Variants in RARB observed in about 807,000 individuals in gnomAD.
RARB encodes the protein HBV-activated protein.
In RARB, 17 loss-of-function variants were observed where a neutral mutation model predicts 51.9. The ratio of observed to expected loss-of-function variants is 0.33; its 90% CI spans 0.22 to 0.49. The LOEUF is 0.49. RARB is among the 20% of genes least tolerant of loss of function. The probability of loss-of-function intolerance (pLI) is 0.99; values close to 1 mark genes in which losing one functional copy is unlikely to be tolerated. For missense variants in RARB, 369 were observed against 550.8 expected (o/e 0.67, Z 3.30); for synonymous variants, 215 against 195.4 (o/e 1.10, Z -0.84).
At chr3:24,879,600 T>C (rs566989563) in intron 2 of RARB, among the ~76,000 whole-genome samples, 12 of 151,642 alleles carry the variant, frequency 7.9e-5, no homozygotes, top group African/African-American at 2.9e-4. Context: ...AAGTGGGAGT[T>C]TCACTTGAGG....
intron 4 of RARB, among the ~76,000 whole-genome samples, chr3:25,172,604 C>G (rs964897214): frequency 3.3e-5 from 5 of 152,140 alleles, no homozygotes; most frequent in Non-Finnish European, 5.9e-5. Flanking sequence ...CCCTCGTTTT[C>G]TTCCTTACTT....
chr3:24,964,193 G>A (rs547207366), intron 2 of RARB, among the ~76,000 whole-genome samples: 2 of 151,518 alleles, frequency 1.3e-5, no homozygotes, highest in African/African-American at 4.8e-5. Context: ...TAAAAAGTAA[G>A]GTTAGCACTG....
chr3:25,092,948 A>G (rs1699224674), intron 3 of RARB, among the ~76,000 whole-genome samples: 1 of 152,182 alleles, frequency 6.6e-6, no homozygotes, highest in African/African-American at 2.4e-5. Flanking sequence ...TTACAGAGGT[A>G]TAGTGAAAAA....
chr3:25,154,223 T>G (rs556939702), intron 4 of RARB, among the ~76,000 whole-genome samples: 22 of 152,346 alleles, frequency 1.4e-4, no homozygotes, highest in Non-Finnish European at 2.9e-4. Flanking sequence ...CTAGTATATA[T>G]CCACAGGCAT....
intron 5 of RARB, among the ~76,000 whole-genome samples, chr3:25,235,266 G>C (rs1702276243): frequency 6.6e-6 from 1 of 152,092 alleles, no homozygotes; most frequent in African/African-American, 2.4e-5. Flanking sequence ...GTAGTAAGTA[G>C]AGGGAGTGGT....
chr3:25,308,448 CTTTTTTTTTTTT>C (rs549224085), intron 5 of RARB, among the ~76,000 whole-genome samples: 1 of 130,752 alleles, frequency 7.6e-6, no homozygotes, highest in South Asian at 2.4e-4. Flanking sequence ...TTCTTTCTTT[CTTTTTTTTTTTT>C]TTTTTTGAGA....
At chr3:25,068,591 T>C (rs1049957111) in intron 3 of RARB, among the ~76,000 whole-genome samples, 1 of 152,182 alleles carries the variant, frequency 6.6e-6, no homozygotes, top group African/African-American at 2.4e-5. Context: ...AATGGGTTGT[T>C]AGCTAGTGCT....
intron 2 of RARB, among the ~76,000 whole-genome samples, chr3:25,499,451 G>C (rs1054610424): frequency 1.3e-5 from 2 of 152,166 alleles, no homozygotes; most frequent in African/African-American, 4.8e-5. Context: ...CCCTTCATCT[G>C]TGTATTCGGC....
In RARB at chr3:24,900,029, TA is replaced by T. The variant is rs370729935; in HGVS notation, c.-380+41281del. On this transcript the variant is annotated intron_variant, in intron 2 of 11. Coordinates refer to the RARB transcript ENST00000383772. Reference sequence around the variant, plus strand: ...CATTTGGACAGCAACCATAATAAATTAAAATAAAATTCAGTCTTGATTGATG... The same window carrying T: ...CATTTGGACAGCAACCATAATAAATTAAATAAAATTCAGTCTTGATTGATG... Among the ~76,000 whole-genome samples, 87 of 152,298 alleles carry T rather than the reference TA, an allele frequency of 5.7e-4. 2 individuals are homozygous for T. The South Asian group carries it at 0.017, about 30-fold the overall frequency.
intron 5 of RARB, among the ~76,000 whole-genome samples, chr3:25,245,631 C>T (rs1702540689): frequency 6.6e-6 from 1 of 152,088 alleles, no homozygotes; most frequent in South Asian, 2.1e-4. Flanking sequence ...AATATTGGCC[C>T]CCACTCTCTT....
rs900739059 is a variant in RARB, at chr3:25,099,629, A to C, written c.-327-32532A>C. Among the ~76,000 whole-genome samples, 13 of 152,144 alleles carry C rather than the reference A, an allele frequency of 8.5e-5. No homozygotes were observed. The East Asian group carries it at 9.7e-4, about 11-fold the overall frequency. ...TTTTCAGGATTTAAAAAAAAAAAAA[A>C]AAAAAACTTTCATTATGTAGTAGAA... On this transcript the variant is annotated intron_variant, in intron 3 of 11. Coordinates refer to the RARB transcript ENST00000383772.
chr3:25,435,332 A>C (rs1233354547), intron 1 of RARB, among the ~76,000 whole-genome samples: 1 of 152,214 alleles, frequency 6.6e-6, no homozygotes, highest in Non-Finnish European at 1.5e-5. Context: ...GGGAGAGAAG[A>C]TCTGGATCAC....
At chr3:24,831,169 G>T (rs895999344) in intron 1 of RARB, among the ~76,000 whole-genome samples, 14 of 152,310 alleles carry the variant, frequency 9.2e-5, no homozygotes, top group Admixed American at 5.9e-4. Flanking sequence ...CTTTGAGCCG[G>T]ATTAAATGGC....
At chr3:25,411,851 G>A (rs552645192) in intron 5 of RARB, among the ~76,000 whole-genome samples, 3 of 152,194 alleles carry the variant, frequency 2.0e-5, no homozygotes, top group Non-Finnish European at 4.4e-5. Context: ...GTCAAAAGAT[G>A]CAGGGACAAC....
At chr3:25,254,878 G>A (rs866386537) in intron 5 of RARB, among the ~76,000 whole-genome samples, 2 of 151,916 alleles carry the variant, frequency 1.3e-5, no homozygotes, top group African/African-American at 4.8e-5. Context: ...GTGTTCTTGT[G>A]TTTGGATTGA....
intron 5 of RARB, among the ~76,000 whole-genome samples, chr3:25,320,521 C>T (rs918560787): frequency 2.0e-5 from 3 of 152,152 alleles, no homozygotes; most frequent in Admixed American, 2.0e-4. Context: ...ATTCACCAGT[C>T]CCTGACCCAG....
At chr3:25,139,420 G>A (rs1700077632) in intron 4 of RARB, among the ~76,000 whole-genome samples, 1 of 152,162 alleles carries the variant, frequency 6.6e-6, no homozygotes, top group African/African-American at 2.4e-5. Flanking sequence ...TACGGAGAAA[G>A]TTTTAGTGGT....
chr3:25,392,531 G>A (rs987764252), intron 5 of RARB, among the ~76,000 whole-genome samples: 6 of 152,154 alleles, frequency 3.9e-5, no homozygotes, highest in Admixed American at 3.3e-4. Context: ...AGCCTGGGAT[G>A]TGTTTCCATT....
intron 2 of RARB, among the ~76,000 whole-genome samples, chr3:24,865,320 A>G (rs1437743196): frequency 6.6e-6 from 1 of 152,148 alleles, no homozygotes; most frequent in Admixed American, 6.5e-5. Context: ...CCAAGCTGAA[A>G]AAAATATACA....
Sources: allele counts gnomAD v4.1 joint callset (sites outside exome capture counted in the v4.1 genomes callset), GRCh38; gene constraint gnomAD v4.1.1; transcripts MANE v1.5; gene names NCBI Gene and HGNC (gene_info 2026-07-23, HGNC 2026-07-21).